Variants in SLC6A6 observed in about 807,000 individuals in gnomAD.
SLC6A6 encodes sodium- and chloride-dependent taurine transporter.
In SLC6A6, 16 loss-of-function variants were observed where a neutral mutation model predicts 68.8. The ratio of observed to expected loss-of-function variants is 0.23; its 90% CI spans 0.16 to 0.35. The LOEUF (loss-of-function observed/expected upper bound fraction) is 0.35, where lower values mean the gene tolerates loss of function less well. SLC6A6 is among the 10% of genes least tolerant of loss of function. SLC6A6 has a pLI of 1.00. For synonymous variants in SLC6A6, 312 were observed against 315.4 expected (o/e 0.99, Z 0.12); for missense variants, 474 against 802.8 (o/e 0.59, Z 4.95).
intron 2 of SLC6A6, among the ~76,000 whole-genome samples, chr3:14,421,331 A>C (rs1699480877): frequency 6.6e-6 from 1 of 152,160 alleles, no homozygotes; most frequent in South Asian, 2.1e-4. Flanking sequence ...ACCTGAGCTC[A>C]GGGGTCCCGT....
chr3:14,485,491 A>C lies in SLC6A6; in HGVS notation c.*484A>C, dbSNP rs973699165. 6.5e-6 allele frequency: 1 copy of C among 153,656 alleles called. No homozygotes were observed. Among genetic ancestry groups the C allele is most frequent in the African/African-American group, 2.4e-5 (1 of 41,408 alleles). The allele number at this position is 153,656 out of a possible 1,614,324, so 9.5% of individuals were successfully genotyped here. A position where few individuals can be genotyped will look rare whatever the true frequency, so the allele number is the denominator to read the frequency against. ...CAGGATGGAATTTTCCTGGGACTCT[A>C]CACCCATCTTAAGGTGGTATACCTT... On this transcript the variant is annotated 3_prime_UTR_variant, in exon 15 of 15. Transcript: ENST00000622186.
Position 14,467,744 on chromosome 3 carries a change from G to T in SLC6A6, c.868-109G>T, listed in dbSNP as rs552943241. The T allele has an allele frequency of 7.2e-5, 47 of 653,118 alleles. No homozygotes were observed. The South Asian group carries it at 8.5e-4, about 12-fold the overall frequency. 40.5% of individuals were successfully genotyped at this position (653,118 alleles called of 1,614,324 possible). A position where few individuals can be genotyped will look rare whatever the true frequency, so the allele number is the denominator to read the frequency against. On this transcript the variant is annotated intron_variant, in intron 7 of 14. Transcript: ENST00000622186. ...TAAATGTTCCATTTGCATGTGCAAGGTCCCGTCCCCAGGCCATCGCCAGGT... is the reference window on the plus strand; with the variant it reads ...TAAATGTTCCATTTGCATGTGCAAGTTCCCGTCCCCAGGCCATCGCCAGGT...
At chr3:14,449,454 CT>C (rs1379228933) in intron 5 of SLC6A6, among the ~76,000 whole-genome samples, 7 of 152,228 alleles carry the variant, frequency 4.6e-5, no homozygotes, top group Non-Finnish European at 7.3e-5. Context: ...TGTCCTTTCT[CT>C]GCTGTTTTTG....
At chr3:14,451,240 A>T (rs1412613796) in intron 5 of SLC6A6, among the ~76,000 whole-genome samples, 5 of 152,230 alleles carry the variant, frequency 3.3e-5, no homozygotes, top group South Asian at 2.1e-4. Flanking sequence ...CTGGGTGCTG[A>T]ATCTCCTCAT....
intron 2 of SLC6A6, among the ~76,000 whole-genome samples, chr3:14,431,562 G>C (rs926857148): frequency 1.3e-5 from 2 of 152,222 alleles, no homozygotes; most frequent in African/African-American, 2.4e-5. Flanking sequence ...GTTGGGGCTT[G>C]AGAAACCACA....
chr3:14,447,234 A>T (rs1700144197), intron 4 of SLC6A6, among the ~76,000 whole-genome samples: 1 of 150,732 alleles, frequency 6.6e-6, no homozygotes, highest in South Asian at 2.1e-4. Flanking sequence ...CCATCCATCC[A>T]TCCATCCATC....
intron 9 of SLC6A6, among the ~76,000 whole-genome samples, chr3:14,469,152 G>A (rs374423100): frequency 9.2e-5 from 14 of 152,116 alleles, no homozygotes; most frequent in African/African-American, 2.2e-4. Context: ...ACCCTTCCCC[G>A]GCCCTGCACA....
chr3:14,446,397 C>A (rs533939669), intron 4 of SLC6A6, among the ~76,000 whole-genome samples: 2 of 152,172 alleles, frequency 1.3e-5, no homozygotes, highest in Non-Finnish European at 2.9e-5. Context: ...GAGCAACAGA[C>A]GCTGGGGACT....
At chr3:14,425,751 A>G (rs748839051) in intron 2 of SLC6A6, among the ~76,000 whole-genome samples, 4 of 152,058 alleles carry the variant, frequency 2.6e-5, no homozygotes, top group Non-Finnish European at 4.4e-5. Flanking sequence ...CGTTTCCAAA[A>G]ATGGTGTGGG....
intron 2 of SLC6A6, among the ~76,000 whole-genome samples, chr3:14,440,673 T>C (rs1338446442): frequency 6.6e-6 from 1 of 152,142 alleles, no homozygotes; most frequent in African/African-American, 2.4e-5. Flanking sequence ...CAGATGCCAG[T>C]GCAAGGGCTG....
In SLC6A6 at chr3:14,481,163, G is replaced by A. The variant is rs532632794; in HGVS notation, c.1552-508G>A. Among the ~76,000 whole-genome samples the A allele has an allele frequency of 6.6e-6, 1 of 152,358 alleles. No individual in the cohort carries two copies. The highest frequency in any genetic ancestry group is 2.4e-5 in the African/African-American group (1 of 41,582). On this transcript the variant is annotated intron_variant, in intron 13 of 14. Transcript: ENST00000622186. This position sits in a 1 kb window ranked among gnomAD's most constrained non-coding sequence, Gnocchi z 4.7. Reference sequence around the variant, plus strand: ...GCAGAACACGTGTGCCCAAGAGATGGTTACAACCACTCGCTTTCTGGAAGG... The same window carrying A: ...GCAGAACACGTGTGCCCAAGAGATGATTACAACCACTCGCTTTCTGGAAGG...
At chr3:14,408,066 T>C (rs1449135870) in intron 1 of SLC6A6, among the ~76,000 whole-genome samples, 1 of 152,174 alleles carries the variant, frequency 6.6e-6, no homozygotes, top group African/African-American at 2.4e-5. Flanking sequence ...CTATTACTAA[T>C]AAAGCTTCTA....
rs1203453914 is a variant in SLC6A6 at position 14,468,560 on chromosome 3, A to G, written c.1096+348A>G. 1.3e-5 allele frequency among the ~76,000 whole-genome samples: 2 copies of G among 151,842 alleles called. No homozygotes were observed. Among genetic ancestry groups the G allele is most frequent in the African/African-American group, 4.8e-5 (2 of 41,298 alleles). ...CACTTTCCTAACTCAGGCCCAAGTC[A>G]GCCACCAATCGGCATTCCATCACCA... On this transcript the variant is annotated intron_variant, in intron 9 of 14. Coordinates refer to ENST00000622186, the MANE Select transcript of SLC6A6 (RefSeq NM_003043.6). This position sits in a 1 kb window ranked among gnomAD's most constrained non-coding sequence, Gnocchi z 4.5.
At chr3:14,443,495 AT>A in intron 2 of SLC6A6, 128 bp from the exon 3 acceptor site, 1 of 645,088 alleles carries the variant, frequency 1.6e-6, no homozygotes, top group South Asian at 1.8e-5. Flanking sequence ...ACAGACAGGG[AT>A]GCCAGGCCCC....
rs200619667 is a variant in SLC6A6 at position 14,472,254 on chromosome 3, G to A, written c.1146G>A (p.Pro382=). 107 of 1,613,790 alleles carry A rather than the reference G, an allele frequency of 6.6e-5. No homozygotes were observed. Among genetic ancestry groups the A allele is most frequent in the South Asian group, 4.2e-4 (38 of 91,074 alleles). Residue 382 remains proline, a synonymous_variant, in exon 10 of 15, where the codon CCG becomes CCA. Transcript: ENST00000622186. The surrounding 1 kb of genome is among the most constrained non-coding windows in gnomAD (Gnocchi z 4.5). ...IAYPKAVTMM[P]LPTFWSILFF... ...ACCCAAAAGCTGTGACAATGATGCC[G>A]CTGCCCACATTTTGGTCCATTCTTT... is the stretch of plus-strand genomic sequence containing the variant.
At chr3:14,414,860 C>T (rs1335625853) in intron 1 of SLC6A6, among the ~76,000 whole-genome samples, 1 of 152,208 alleles carries the variant, frequency 6.6e-6, no homozygotes, top group Non-Finnish European at 1.5e-5. Flanking sequence ...CTGAGATGGG[C>T]TGGCCTCTTG....
intron 1 of SLC6A6, among the ~76,000 whole-genome samples, chr3:14,408,968 A>G (rs547963107): frequency 3.3e-5 from 5 of 151,936 alleles, no homozygotes; most frequent in East Asian, 3.9e-4. Context: ...TACCACGCCC[A>G]GCTAATTTTT....
intron 2 of SLC6A6, among the ~76,000 whole-genome samples, chr3:14,431,803 G>A (rs749559494): frequency 3.3e-5 from 5 of 152,180 alleles, no homozygotes; most frequent in Non-Finnish European, 5.9e-5. Flanking sequence ...GAGGTGGGGC[G>A]GAGGTAGGAA....
chr3:14,445,749 T>C lies in SLC6A6; in HGVS notation c.262T>C (p.Phe88Leu), dbSNP rs755880393. ...AFLIPYFIFLFGSGLPVFFLE... is the reference protein window; with the variant it reads ...AFLIPYFIFLLGSGLPVFFLE... ...TCTCATACCGTATTTTATTTTCCTGTTTGGGAGCGGCCTGCCTGTGTTTTT... is the reference window on the plus strand; with the variant it reads ...TCTCATACCGTATTTTATTTTCCTGCTTGGGAGCGGCCTGCCTGTGTTTTT... Residue 88 changes from phenylalanine (F) to leucine (L), a missense_variant, in exon 4 of 15, where the codon TTT becomes CTT. Physicochemically the swap from Phe to Leu is conservative, Grantham distance 22. Coordinates refer to ENST00000622186, the MANE Select transcript of SLC6A6 (RefSeq NM_003043.6). The C allele has an allele frequency of 2.5e-6, 4 of 1,614,190 alleles. No individual in the cohort carries two copies. The highest frequency in any genetic ancestry group is 3.4e-6 in the Non-Finnish European group (4 of 1,180,002).
Sources: gnomAD v4.1 joint callset for allele counts (sites outside exome capture counted in the v4.1 genomes callset) on GRCh38, gnomAD v4.1.1 for gene constraint, Gnocchi (gnomAD v3.1) non-coding constraint, MANE v1.5 for transcripts, NCBI Gene and HGNC (gene_info 2026-07-23, HGNC 2026-07-21) for gene names.